The following PDHA1 variants were observed in gnomAD, a reference collection of about 807,000 sequenced individuals.
PDHA1 encodes the protein pyruvate dehydrogenase E1 subunit alpha 1.
Under a neutral mutation model 33.0 loss-of-function variants are expected in PDHA1, and 1 was observed. The ratio of observed to expected loss-of-function variants is 0.03; its 90% CI spans 0.01 to 0.14. The LOEUF (loss-of-function observed/expected upper bound fraction) is 0.14. Among genes scored for constraint, PDHA1 ranks in the 10% least tolerant of loss-of-function variants. The probability of loss-of-function intolerance (pLI) is 1.00; values close to 1 mark genes in which losing one functional copy is unlikely to be tolerated. For synonymous variants in PDHA1, 123 were observed against 119.2 expected (o/e 1.03, Z -0.21); for missense variants, 168 against 325.1 (o/e 0.52, Z 3.72).
intron 5 of PDHA1, among the ~76,000 whole-genome samples, chrX:19,353,635 C>CT (rs766788457): frequency 4.5e-5 from 5 of 111,693 alleles, no homozygotes; most frequent in Non-Finnish European, 7.5e-5. Context: ...GCTTGGTTTG[C>CT]TTTTAAAGAC....
intron 10 of PDHA1, 86 bp from the exon 11 acceptor site, chrX:19,359,403 C>T: frequency 3.9e-6 from 3 of 774,212 alleles, no homozygotes; most frequent in Non-Finnish European, 6.0e-6. Context: ...AAGAGTTACA[C>T]CAGCAACAGG....
At chrX:19,344,926 C>CT (rs777618261) in intron 1 of PDHA1, among the ~76,000 whole-genome samples, 29 of 112,175 alleles carry the variant, frequency 2.6e-4, no homozygotes, top group Middle Eastern at 9.1e-3. Context: ...AACATCTGAG[C>CT]TTTTCTTGGC....
At chrX:19,348,089 G>A (rs2063144662) in intron 1 of PDHA1, among the ~76,000 whole-genome samples, 1 of 112,826 alleles carries the variant, frequency 8.9e-6, no homozygotes, top group South Asian at 3.6e-4. Flanking sequence ...CACATCAGAT[G>A]TGCTTTTTAT....
At chrX:19,349,696 G>T (rs757773227) in intron 2 of PDHA1, among the ~76,000 whole-genome samples, 6 of 112,441 alleles carry the variant, frequency 5.3e-5, no homozygotes, top group Non-Finnish European at 9.4e-5. Flanking sequence ...CTATAACTCA[G>T]TTGGCTTCTA....
chrX:19,345,183 A>AT (rs1345383681), intron 1 of PDHA1, among the ~76,000 whole-genome samples: 1 of 111,023 alleles, frequency 9.0e-6, no homozygotes, highest in Non-Finnish European at 1.9e-5. Flanking sequence ...GGATTCTGGT[A>AT]TTTCCCCCAG....
chrX:19,352,685 A>G (rs1207418459), intron 4 of PDHA1: 1 of 199,387 alleles, frequency 5.0e-6, no homozygotes. Flanking sequence ...TCTATTTTCA[A>G]TACATGTGTG....
chrX:19,358,816 C>CTCATTGGGACAATCCAACCCCATATCATG, intron 9 of PDHA1, 100 bp from the exon 10 acceptor site: 1 of 556,252 alleles, frequency 1.8e-6, no homozygotes, highest in East Asian at 3.4e-5. Context: ...TGTATTTCAC[C>CTCATTGGGACAATCCAACCCCATATCATG]TCATTGGGAC....
chrX:19,344,683 G>C (rs1020546851), intron 1 of PDHA1, among the ~76,000 whole-genome samples: 14 of 25,681 alleles, frequency 5.5e-4, no homozygotes, highest in Non-Finnish European at 7.3e-4. Context: ...CTAAAATGGA[G>C]ATAATAAGAG....
chrX:19,359,252 TCA>T (rs745507265), intron 10 of PDHA1, among the ~76,000 whole-genome samples: 18 of 112,047 alleles, frequency 1.6e-4, no homozygotes, highest in African/African-American at 5.8e-4. Context: ...TGAACCACCA[TCA>T]CAGTGGCAAA....
rs1293810538 is a variant in PDHA1, at chrX:19,349,368, T to C, written c.114T>C (p.Ile38=). ...TTGCAAATGATGCTACATTTGAAAT[T>C]AAGGTAAGAGGTGTTTTACTTTGTT... is the stretch of plus-strand genomic sequence containing the variant. ...RNFANDATFE[I]KKCDLHRLEE... The change falls in exon 2 of 11, where the codon ATT becomes ATC. Residue 38 remains isoleucine (I), a synonymous_variant. Transcript: ENST00000422285. 3.5e-6 allele frequency: 4 copies of C among 1,136,057 alleles called. No homozygotes were observed. Among genetic ancestry groups the C allele is most frequent in the Non-Finnish European group, 4.8e-6 (4 of 827,859 alleles). The allele number at this position is 1,136,057 out of a possible 1,213,427, so 93.6% of individuals were successfully genotyped here.
chrX:19,350,165 G>A, intron 3 of PDHA1, 55 bp downstream of exon 3: 2 of 880,066 alleles, frequency 2.3e-6, no homozygotes, highest in East Asian at 3.1e-5. Flanking sequence ...AGTATGGCTT[G>A]TACTTATTGG....
chrX:19,360,212 C>T lies in PDHA1; in HGVS notation c.*559C>T, dbSNP rs1477339971. The T allele has an allele frequency of 2.2e-5, 3 of 136,378 alleles. No homozygotes were observed. The highest frequency in any genetic ancestry group is 2.0e-4 in the South Asian group (1 of 5,100). The allele number at this position is 136,378 out of a possible 1,213,427, so 11.2% of individuals were successfully genotyped here. On this transcript the variant is annotated 3_prime_UTR_variant, in exon 11 of 11. Coordinates refer to ENST00000422285, the MANE Select transcript of PDHA1 (RefSeq NM_000284.4). ...TATAAATATGAAGCTATTTTCTGTT[C>T]ATATCAAACATTAACTACAAGGCAC...
At chrX:19,353,012 T>C in intron 4 of PDHA1, 70 bp from the exon 5 acceptor site, 1 of 835,907 alleles carries the variant, frequency 1.2e-6, no homozygotes, top group Non-Finnish European at 1.8e-6. Context: ...GAGTACATAT[T>C]TGGGGTGCGG....
At chrX:19,357,173 T>C (rs1183827209) in intron 8 of PDHA1, among the ~76,000 whole-genome samples, 2 of 112,132 alleles carry the variant, frequency 1.8e-5, no homozygotes, top group Non-Finnish European at 3.8e-5. Flanking sequence ...AGTGGCACAC[T>C]CACAGCTCAC....
In PDHA1 at chrX:19,349,342, T is replaced by C; in HGVS notation, c.88T>C (p.Phe30Leu). The change falls in exon 2 of 11, where the codon TTT becomes CTT. Residue 30 changes from phenylalanine to leucine, a missense_variant. Physicochemically the swap from Phe to Leu is conservative, Grantham distance 22. Transcript: ENST00000422285. ...CAGAGTGCTGGTAGCATCCCGTAATTTTGCAAATGATGCTACATTTGAAAT... is the reference window on the plus strand; with the variant it reads ...CAGAGTGCTGGTAGCATCCCGTAATCTTGCAAATGATGCTACATTTGAAAT... The part of the protein sequence containing the change: ...ASRVLVASRN[F>L]ANDATFEIKK... 8.4e-7 allele frequency: 1 copy of C among 1,187,368 alleles called. No homozygotes were observed.
At chrX:19,346,329 C>A (rs947692355) in intron 1 of PDHA1, among the ~76,000 whole-genome samples, 30 of 111,609 alleles carry the variant, frequency 2.7e-4, no homozygotes, top group Admixed American at 2.7e-3. Flanking sequence ...GGTTTACTTT[C>A]GTTTTGTTTG....
chrX:19,352,264 C>T, intron 4 of PDHA1, among the ~76,000 whole-genome samples: 1 of 92,823 alleles, frequency 1.1e-5, no homozygotes, highest in South Asian at 5.9e-4. Context: ...TTCACTCTTT[C>T]ACCCAGGCTG....
intron 1 of PDHA1, among the ~76,000 whole-genome samples, chrX:19,346,329 C>T (rs947692355): frequency 2.7e-5 from 3 of 111,609 alleles, no homozygotes; most frequent in African/African-American, 9.8e-5. Context: ...GGTTTACTTT[C>T]GTTTTGTTTG....
chrX:19,359,672 TTATACCTTCAGGGGGCTACCA>T lies in PDHA1; in HGVS notation c.*20_*40del. ...CAGTTAAGGGGAGGAGAAGGAGAGG[TTATACCTTCAGGGGGCTACCA>T]GACAGTGTTCTCAACTTGGTTAAGG... On this transcript the variant is annotated 3_prime_UTR_variant, in exon 11 of 11. Transcript: ENST00000422285. 1 of 1,181,819 alleles carries T rather than the reference TTATACCTTCAGGGGGCTACCA, an allele frequency of 8.5e-7. No homozygotes were observed. Among genetic ancestry groups the T allele is most frequent in the Non-Finnish European group, 1.2e-6 (1 of 868,961 alleles).
Sources: allele counts gnomAD v4.1 joint callset (sites outside exome capture counted in the v4.1 genomes callset), GRCh38; gene constraint gnomAD v4.1.1; transcripts MANE v1.5; gene names NCBI Gene and HGNC (gene_info 2026-07-23, HGNC 2026-07-21).